The following HYCC1 variants were observed in gnomAD, a reference collection of about 807,000 sequenced individuals.
HYCC1 encodes the protein hyccin.
the HYCC1 span, among the ~76,000 whole-genome samples, chr7:22,980,848 T>C: frequency 6.6e-6 from 1 of 152,196 alleles, no homozygotes; most frequent in South Asian, 2.1e-4. Flanking sequence ...AGTATCAACC[T>C]CTACTCATAG....
the HYCC1 span, among the ~76,000 whole-genome samples, chr7:22,919,213 A>C: frequency 6.6e-6 from 1 of 152,218 alleles, no homozygotes; most frequent in Non-Finnish European, 1.5e-5. Context: ...AAAGAACTCA[A>C]GTAAATGATG....
At chr7:22,901,214 CCT>C in the HYCC1 span, among the ~76,000 whole-genome samples, 1 of 106,514 alleles carries the variant, frequency 9.4e-6, no homozygotes, top group Non-Finnish European at 1.8e-5. Flanking sequence ...GGAGTGAGAC[CCT>C]GTCTCAAAAA....
chr7:22,985,412 A>G, the HYCC1 span: 1 of 152,186 alleles, frequency 6.6e-6, no homozygotes, highest in East Asian at 1.9e-4. Context: ...GGAACATATT[A>G]TAGATAAACA....
At chr7:22,966,353 A>G in the HYCC1 span, among the ~76,000 whole-genome samples, 1 of 152,040 alleles carries the variant, frequency 6.6e-6, no homozygotes. Context: ...GTGCAGTGAC[A>G]TGATCTTGGT....
chr7:23,011,906 G>A, the HYCC1 span, among the ~76,000 whole-genome samples: 1 of 152,066 alleles, frequency 6.6e-6, no homozygotes, highest in Non-Finnish European at 1.5e-5. Flanking sequence ...TACACTCAAG[G>A]CAAGTTAACT....
chr7:22,935,640 T>C, the HYCC1 span: 1 of 152,176 alleles, frequency 6.6e-6, no homozygotes, highest in South Asian at 2.1e-4. Flanking sequence ...CTTGCCTCTC[T>C]AGATTTTCAT....
the HYCC1 span, among the ~76,000 whole-genome samples, chr7:22,922,509 G>C: frequency 6.6e-6 from 1 of 152,240 alleles, no homozygotes; most frequent in Non-Finnish European, 1.5e-5. Flanking sequence ...TCACAAGAGA[G>C]TACTGTGCTG....
At chr7:22,920,071 T>C in the HYCC1 span, among the ~76,000 whole-genome samples, 2 of 152,218 alleles carry the variant, frequency 1.3e-5, no homozygotes, top group African/African-American at 2.4e-5. Flanking sequence ...TTCATGCCTG[T>C]AATCCCAGCA....
the HYCC1 span, chr7:22,976,445 A>AGG: frequency 2.9e-6 from 2 of 700,870 alleles, no homozygotes; most frequent in Admixed American, 2.7e-5. Flanking sequence ...ATAATGAAAA[A>AGG]CTACAAGGAA....
the HYCC1 span, chr7:22,978,280 C>T: frequency 1.2e-6 from 2 of 1,613,968 alleles, no homozygotes; most frequent in Non-Finnish European, 1.7e-6. Flanking sequence ...AAATTGTAAA[C>T]CCCTAGAAGA....
At chr7:22,960,428 AAT>A in the HYCC1 span, 1 of 1,606,648 alleles carries the variant, frequency 6.2e-7, no homozygotes, top group South Asian at 1.1e-5. Context: ...AAGGAGAAAA[AAT>A]ATAGTTTAAG....
the HYCC1 span, among the ~76,000 whole-genome samples, chr7:22,992,524 G>C: frequency 6.6e-6 from 1 of 152,038 alleles, no homozygotes; most frequent in Non-Finnish European, 1.5e-5. Context: ...ACAGAGTCTA[G>C]AAAATTCACA....
the HYCC1 span, among the ~76,000 whole-genome samples, chr7:22,908,997 C>T: frequency 6.6e-6 from 1 of 152,208 alleles, no homozygotes; most frequent in Admixed American, 6.5e-5. Flanking sequence ...TCTAGGTGGA[C>T]TGTCTCCCAT....
chr7:22,897,687 G>T, the HYCC1 span, among the ~76,000 whole-genome samples: 1 of 151,734 alleles, frequency 6.6e-6, no homozygotes, highest in African/African-American at 2.4e-5. Context: ...GTGCAGTGGG[G>T]TGAGCTCCTC....
At chr7:22,945,708 C>A in the HYCC1 span, 1 of 1,613,746 alleles carries the variant, frequency 6.2e-7, no homozygotes, top group Non-Finnish European at 8.5e-7. Flanking sequence ...AGACTACAAG[C>A]GGAAAACCTA....
chr7:23,003,582 C>G, the HYCC1 span, among the ~76,000 whole-genome samples: 1 of 152,202 alleles, frequency 6.6e-6, no homozygotes, highest in African/African-American at 2.4e-5. Context: ...CAAAGCACAG[C>G]TCTACTTTGA....
the HYCC1 span, among the ~76,000 whole-genome samples, chr7:22,960,787 C>G: frequency 6.6e-6 from 1 of 152,268 alleles, no homozygotes; most frequent in Non-Finnish European, 1.5e-5. Context: ...CAGTGGCTCA[C>G]GCCTGTAATC....
the HYCC1 span, chr7:22,940,088 C>T: frequency 1.3e-5 from 2 of 152,092 alleles, no homozygotes; most frequent in African/African-American, 2.4e-5. Flanking sequence ...AAAATCACCA[C>T]TCTGGTTCTC....
the HYCC1 span, chr7:22,976,939 C>A: frequency 1.6e-6 from 1 of 634,246 alleles, no homozygotes; most frequent in Non-Finnish European, 2.8e-6. Flanking sequence ...GGCTGCCTAC[C>A]AAATTTTCTG....
Sources: gnomAD v4.1 joint callset for allele counts (sites outside exome capture counted in the v4.1 genomes callset) on GRCh38, gnomAD v4.1.1 for gene constraint, MANE v1.5 for transcripts, NCBI Gene and HGNC (gene_info 2026-07-23, HGNC 2026-07-21) for gene names.